The following KLHL2 variants were observed in gnomAD, a reference collection of about 807,000 sequenced individuals.
KLHL2 encodes kelch-like protein 2.
A neutral mutation model predicts 75.8 loss-of-function variants in KLHL2; 15 were observed. The observed-to-expected ratio is 0.20, with a 90% CI of 0.13 to 0.30. KLHL2 has a LOEUF of 0.30. Among genes scored for constraint, KLHL2 ranks in the 10% least tolerant of loss-of-function variants. The pLI is 1.00. For synonymous variants in KLHL2, 214 were observed against 251.9 expected (o/e 0.85, Z 1.42); for missense variants, 381 against 741.0 (o/e 0.51, Z 5.64).
intron 5 of KLHL2, 122 bp from the exon 6 acceptor site, chr4:165,294,237 G>T: frequency 3.3e-6 from 2 of 600,246 alleles, no homozygotes; most frequent in Non-Finnish European, 5.9e-6. Context: ...TTGCCTGGAG[G>T]TGTGCAATTG....
At chr4:165,300,737 T>G (rs1461649961) in intron 8 of KLHL2, among the ~76,000 whole-genome samples, 1 of 152,204 alleles carries the variant, frequency 6.6e-6, no homozygotes, top group African/African-American at 2.4e-5. Flanking sequence ...AAGACTTTAT[T>G]TATGTATTTA....
chr4:165,308,709 G>C (rs1323450931), intron 9 of KLHL2, among the ~76,000 whole-genome samples: 1 of 152,154 alleles, frequency 6.6e-6, no homozygotes, highest in Non-Finnish European at 1.5e-5. Context: ...GTAGAGAAAG[G>C]AAAATGAAAA....
In KLHL2 at chr4:165,238,922, A is replaced by G. The variant is rs373748936; in HGVS notation, c.381+23A>G. The G allele has an allele frequency of 3.3e-5, 52 of 1,583,280 alleles. No homozygotes were observed. The African/African-American group carries it at 5.9e-4, about 18-fold the overall frequency. On this transcript the variant is annotated intron_variant, in intron 4 of 14. Transcript: ENST00000226725. ...CAGGTAAGAGTAAACACTTCACACC[A>G]TCTAGCTTTTTATGCATACAGTTTT...
At chr4:165,249,662 T>C (rs189437852) in intron 4 of KLHL2, among the ~76,000 whole-genome samples, 1 of 152,340 alleles carries the variant, frequency 6.6e-6, no homozygotes, top group Non-Finnish European at 1.5e-5. Context: ...CTGGTAGTTG[T>C]CTTTTTCTGT....
intron 1 of KLHL2, among the ~76,000 whole-genome samples, chr4:165,211,585 G>A (rs1737207222): frequency 6.6e-6 from 1 of 152,166 alleles, no homozygotes; most frequent in African/African-American, 2.4e-5. Flanking sequence ...TTAACTAAAT[G>A]TACATTGGGC....
chr4:165,222,603 A>G (rs918997363), intron 2 of KLHL2, among the ~76,000 whole-genome samples: 19 of 152,108 alleles, frequency 1.2e-4, no homozygotes, highest in Admixed American at 1.2e-3. Flanking sequence ...TTAAAAATGG[A>G]CTGTCGTTGG....
chr4:165,297,792 C>T, intron 7 of KLHL2, 67 bp downstream of exon 7: 1 of 936,810 alleles, frequency 1.1e-6, no homozygotes, highest in Non-Finnish European at 1.8e-6. Flanking sequence ...GCATGTAGAT[C>T]CCTATCAAGC....
intron 5 of KLHL2, chr4:165,279,705 G>A (rs1425656246): frequency 1.3e-5 from 18 of 1,355,806 alleles, no homozygotes; most frequent in South Asian, 1.3e-4. Context: ...GGCGGCGGGA[G>A]GGGGAGGGGA....
intron 14 of KLHL2, 27 bp from the exon 15 acceptor site, chr4:165,322,005 T>C (rs772045283): frequency 9.3e-6 from 15 of 1,612,296 alleles, no homozygotes; most frequent in Non-Finnish European, 1.3e-5. Context: ...TGTGACTTCT[T>C]TTTTCTCTCT....
chr4:165,209,957 T>C, intron 1 of KLHL2: 1 of 1,421,026 alleles, frequency 7.0e-7, no homozygotes, highest in East Asian at 2.5e-5. Flanking sequence ...CCACCATGGA[T>C]CCCGTGTGCC....
chr4:165,251,623 T>TTC (rs1740709046), intron 4 of KLHL2, among the ~76,000 whole-genome samples: 1 of 149,816 alleles, frequency 6.7e-6, no homozygotes, highest in Non-Finnish European at 1.5e-5. Context: ...TTGTTTTTTT[T>TTC]TTTTGAGACG....
At chr4:165,321,350 G>A (rs1316795578) in intron 14 of KLHL2, 1 of 455,278 alleles carries the variant, frequency 2.2e-6, no homozygotes, top group Non-Finnish European at 4.4e-6. Flanking sequence ...AGACCTTGAT[G>A]ATGATCCACT....
At chr4:165,262,947 T>C (rs1205578086) in intron 4 of KLHL2, among the ~76,000 whole-genome samples, 2 of 152,178 alleles carry the variant, frequency 1.3e-5, no homozygotes, top group Non-Finnish European at 2.9e-5. Flanking sequence ...ATTAATCTTA[T>C]AAGATCTGAT....
At chr4:165,256,954 T>A (rs918400981) in intron 4 of KLHL2, among the ~76,000 whole-genome samples, 14 of 152,226 alleles carry the variant, frequency 9.2e-5, no homozygotes, top group Non-Finnish European at 2.9e-5. Context: ...TAAATATTTG[T>A]CTACTGTATC....
intron 3 of KLHL2, among the ~76,000 whole-genome samples, chr4:165,235,975 G>C (rs556290543): frequency 1.2e-3 from 177 of 152,154 alleles, no homozygotes; most frequent in African/African-American, 3.8e-3. Flanking sequence ...CTTGGACTGG[G>C]AGAAACCAAA....
At chr4:165,266,846 A>G (rs957840260) in intron 5 of KLHL2, among the ~76,000 whole-genome samples, 12 of 152,126 alleles carry the variant, frequency 7.9e-5, no homozygotes, top group Middle Eastern at 3.4e-3. Flanking sequence ...GTTTTTTCCA[A>G]TTCTGTGAAG....
At chr4:165,305,294 A>G (rs1176561516) in intron 8 of KLHL2, among the ~76,000 whole-genome samples, 1 of 151,940 alleles carries the variant, frequency 6.6e-6, no homozygotes, top group Middle Eastern at 3.2e-3. Context: ...CCTATGACAT[A>G]CTGCAGCCTT....
chr4:165,322,080 C>T lies in KLHL2; in HGVS notation c.*20C>T. On this transcript the variant is annotated 3_prime_UTR_variant, in exon 15 of 15. Coordinates refer to ENST00000226725, the MANE Select transcript of KLHL2 (RefSeq NM_007246.4). ...TTATGAGCCTGAAGGACATTTTCAG[C>T]ATATTTATACATGAGAAACAGCCTT... 6.2e-7 allele frequency: 1 copy of T among 1,605,154 alleles called. No homozygotes were observed. Among genetic ancestry groups the T allele is most frequent in the Non-Finnish European group, 8.5e-7 (1 of 1,171,984 alleles).
intron 4 of KLHL2, among the ~76,000 whole-genome samples, chr4:165,256,319 CT>C (rs1018080353): frequency 2.0e-5 from 3 of 151,962 alleles, no homozygotes; most frequent in East Asian, 3.9e-4. Flanking sequence ...AATAAAAAAG[CT>C]TTTTTTTCCC....
Sources: gnomAD v4.1 joint callset for allele counts (sites outside exome capture counted in the v4.1 genomes callset) on GRCh38, gnomAD v4.1.1 for gene constraint, MANE v1.5 for transcripts, NCBI Gene and HGNC (gene_info 2026-07-23, HGNC 2026-07-21) for gene names.